SOX6: variants seen among roughly 807,000 people sequenced by gnomAD.
SOX6 encodes SRY-box transcription factor 6.
A neutral mutation model predicts 97.8 loss-of-function variants in SOX6; 11 were observed. The observed-to-expected ratio is 0.11, with a 90% CI of 0.07 to 0.19. SOX6 has a LOEUF of 0.19. SOX6 is among the 10% of genes least tolerant of loss of function. SOX6 has a pLI of 1.00. For missense variants in SOX6, 810 were observed against 1,039.5 expected, an observed-to-expected ratio of 0.78 and a Z score of 3.04; for synonymous variants, 360 against 371.4, an observed-to-expected ratio of 0.97 and a Z score of 0.35.
intron 4 of SOX6, among the ~76,000 whole-genome samples, chr11:16,583,612 T>C (rs12808262): frequency 6.8e-5 from 3 of 43,948 alleles, no homozygotes; most frequent in African/African-American, 9.9e-5. Flanking sequence ...TGTATATATA[T>C]ACATATATAT....
At position 16,508,394 on chromosome 11, in the gene SOX6, C is replaced by A. The variant is rs925502452; in HGVS notation, n.610-32006G>T. On this transcript the variant is annotated intron_variant and non_coding_transcript_variant, in intron 4 of 5. Transcript: ENST00000524520. ...AGGAAATCAGTATATCAAAGAGATA[C>A]CTACACCTCCATGTTTACTGCAGCA... 2.0e-5 allele frequency among the ~76,000 whole-genome samples: 3 copies of A among 152,080 alleles called. No homozygotes were observed. The East Asian group carries it at 5.8e-4, about 29-fold the overall frequency.
chr11:16,210,005 A>C (rs1461333298), intron 4 of SOX6, among the ~76,000 whole-genome samples: 1 of 152,150 alleles, frequency 6.6e-6, no homozygotes, highest in Non-Finnish European at 1.5e-5. Flanking sequence ...ATAAGACAGT[A>C]TGTGGAGAAA....
intron 3 of SOX6, among the ~76,000 whole-genome samples, chr11:16,666,354 T>C (rs1243037730): frequency 6.6e-6 from 1 of 152,214 alleles, no homozygotes; most frequent in Non-Finnish European, 1.5e-5. Flanking sequence ...TCCTATCAGA[T>C]GAATTTAACA....
At chr11:16,234,479 A>G in intron 4 of SOX6, 103 bp downstream of exon 4, 2 of 698,950 alleles carry the variant, frequency 2.9e-6, no homozygotes, top group Non-Finnish European at 5.0e-6. Flanking sequence ...CAAATGTTAC[A>G]TGTAAGATTT....
chr11:16,549,646 C>A (rs1219682192), intron 4 of SOX6, among the ~76,000 whole-genome samples: 1 of 152,112 alleles, frequency 6.6e-6, no homozygotes. Context: ...GACCTGTATG[C>A]AACTCAGCAA....
intron 1 of SOX6, among the ~76,000 whole-genome samples, chr11:16,442,633 T>G (rs903442468): frequency 2.2e-4 from 33 of 152,294 alleles, no homozygotes; most frequent in African/African-American, 7.5e-4. Context: ...TACAAGTTGC[T>G]TTAGCAAATT....
intron 4 of SOX6, among the ~76,000 whole-genome samples, chr11:16,595,764 C>T (rs767265006): frequency 6.6e-6 from 1 of 151,972 alleles, no homozygotes; most frequent in African/African-American, 2.4e-5. Flanking sequence ...GAGCAAGACC[C>T]CGTCTCTTAA....
At chr11:16,106,399 A>C (rs1346496657) in intron 7 of SOX6, among the ~76,000 whole-genome samples, 2 of 151,958 alleles carry the variant, frequency 1.3e-5, no homozygotes, top group African/African-American at 4.8e-5. Flanking sequence ...TCTACCAATT[A>C]AATATAATAG....
chr11:16,604,252 G>C (rs979796468), intron 4 of SOX6, among the ~76,000 whole-genome samples: 10 of 152,200 alleles, frequency 6.6e-5, no homozygotes, highest in Non-Finnish European at 1.5e-4. Context: ...GACTTGCCAG[G>C]TGTCCGTCCT....
At chr11:16,335,030 T>G (rs1418960550) in intron 2 of SOX6, among the ~76,000 whole-genome samples, 1 of 152,178 alleles carries the variant, frequency 6.6e-6, no homozygotes, top group East Asian at 1.9e-4. Flanking sequence ...GCTGTCTATT[T>G]CACTACCCAC....
chr11:16,125,656 A>G (rs1240536730), intron 6 of SOX6, among the ~76,000 whole-genome samples: 1 of 151,998 alleles, frequency 6.6e-6, no homozygotes, highest in African/African-American at 2.4e-5. Flanking sequence ...AACCCAATAC[A>G]ATCAATAACT....
chr11:16,280,939 A>G (rs1854542337), intron 3 of SOX6, among the ~76,000 whole-genome samples: 1 of 152,094 alleles, frequency 6.6e-6, no homozygotes, highest in African/African-American at 2.4e-5. Flanking sequence ...AACCAAATCC[A>G]TTTTAGTTGA....
chr11:16,513,358 C>A (rs547194217), intron 4 of SOX6, among the ~76,000 whole-genome samples: 1 of 152,328 alleles, frequency 6.6e-6, no homozygotes, highest in African/African-American at 2.4e-5. Context: ...GGGGGCCGGG[C>A]ACAGTGGCTC....
At chr11:16,519,172 C>A (rs1861017832) in intron 4 of SOX6, among the ~76,000 whole-genome samples, 1 of 152,026 alleles carries the variant, frequency 6.6e-6, no homozygotes, top group African/African-American at 2.4e-5. Context: ...CATAAATGAA[C>A]TTTCATTTTC....
chr11:16,159,635 C>T (rs1194241655), intron 6 of SOX6, among the ~76,000 whole-genome samples: 1 of 152,090 alleles, frequency 6.6e-6, no homozygotes, highest in African/African-American at 2.4e-5. Context: ...ACTATGCACA[C>T]AACTTTGGAA....
At chr11:16,550,391 C>T (rs11023984) in intron 4 of SOX6, among the ~76,000 whole-genome samples, 2,135 of 151,990 alleles carry the variant, frequency 0.014, 42 homozygotes, top group East Asian at 0.052. Flanking sequence ...GTGCAGCACA[C>T]CAACATGGCA....
chr11:16,583,218 T>C (rs568703327), intron 4 of SOX6, among the ~76,000 whole-genome samples: 90 of 152,154 alleles, frequency 5.9e-4, no homozygotes, highest in African/African-American at 2.1e-3. Context: ...TTCTGATACA[T>C]GTGTACAATG....
At chr11:16,032,304 G>T (rs549576145) in intron 12 of SOX6, among the ~76,000 whole-genome samples, 1 of 152,034 alleles carries the variant, frequency 6.6e-6, no homozygotes, top group Non-Finnish European at 1.5e-5. Context: ...GGTTTTGTTC[G>T]ATTTGTTAGT....
At chr11:16,152,894 G>A (rs1457687737) in intron 6 of SOX6, among the ~76,000 whole-genome samples, 1 of 151,854 alleles carries the variant, frequency 6.6e-6, no homozygotes, top group Non-Finnish European at 1.5e-5. Flanking sequence ...TTGAAATGGA[G>A]TCTTGTTCTG....
Sources: gnomAD v4.1 joint callset for allele counts (sites outside exome capture counted in the v4.1 genomes callset) on GRCh38, gnomAD v4.1.1 for gene constraint, MANE v1.5 for transcripts, NCBI Gene and HGNC (gene_info 2026-07-23, HGNC 2026-07-21) for gene names.